CSF1R: variants seen among roughly 807,000 people sequenced by gnomAD.
CSF1R encodes the protein macrophage colony-stimulating factor 1 receptor.
Under a neutral mutation model 110.0 loss-of-function variants are expected in CSF1R, and 40 were observed. The observed-to-expected ratio is 0.36, with a 90% CI of 0.28 to 0.47. The LOEUF is 0.47. CSF1R is among the 20% of genes least tolerant of loss of function. The probability of loss-of-function intolerance (pLI) is 0.99; values close to 1 mark genes in which losing one functional copy is unlikely to be tolerated. For missense variants in CSF1R, 1,052 were observed against 1,253.0 expected (o/e 0.84, Z 2.42); for synonymous variants, 523 against 503.4 (o/e 1.04, Z -0.52).
intron 4 of CSF1R, 133 bp downstream of exon 4, chr5:150,077,979 C>CGTAT: frequency 8.6e-7 from 1 of 1,161,688 alleles, no homozygotes; most frequent in South Asian, 1.4e-5. Context: ...GAGTCTGCAC[C>CGTAT]CCTCTCTGGA....
At chr5:150,055,477 G>A (rs1477544779) in intron 18 of CSF1R, 141 bp from the exon 19 acceptor site, 7 of 707,972 alleles carry the variant, frequency 9.9e-6, no homozygotes, top group South Asian at 8.6e-5. Flanking sequence ...GGTGCTTCCT[G>A]TGTGCCAGCC....
Position 150,070,317 on chromosome 5 carries a change from A to G in CSF1R, c.1199-15T>C, listed in dbSNP as rs550084390. ...CTCTGGGGGGTCTGAGGAAGAAAGG[A>G]GGAGGCCCCAAGTCACACTTTCCCC... On this transcript the variant is annotated splice_polypyrimidine_tract_variant and intron_variant, in intron 7 of 20. Coordinates refer to ENST00000675795, the MANE Select transcript of CSF1R (RefSeq NM_001288705.3). 7 of 1,612,486 alleles carry G rather than the reference A, an allele frequency of 4.3e-6. No homozygotes were observed. In the South Asian group the frequency reaches 7.7e-5, roughly 18 times the overall value.
intron 9 of CSF1R, among the ~76,000 whole-genome samples, 156 bp downstream of exon 9, chr5:150,069,717 C>T (rs1276216770): frequency 3.9e-5 from 6 of 151,940 alleles, no homozygotes; most frequent in African/African-American, 7.3e-5. Flanking sequence ...GGGGCTTGGA[C>T]TGGCCCAGAG....
chr5:150,109,586 CAA>C (rs1759659365), intron 1 of CSF1R, among the ~76,000 whole-genome samples: 1 of 152,178 alleles, frequency 6.6e-6, no homozygotes, highest in Non-Finnish European at 1.5e-5. Flanking sequence ...CTCAATAAAC[CAA>C]AGAGGGTCCA....
intron 1 of CSF1R, chr5:150,098,321 T>C (rs956321005): frequency 6.6e-6 from 1 of 152,012 alleles, no homozygotes; most frequent in Non-Finnish European, 1.5e-5. Flanking sequence ...ATAGAGAAAA[T>C]CTTTGTGACC....
rs1472588012 is a variant in CSF1R, at chr5:150,057,608, G to A, written c.2133-16C>T. ...GCCACTGTCCCTACATAGGAGAGAG[G>A]GTTGGGGGGCAGAGGTCACTCATCA... On this transcript the variant is annotated splice_polypyrimidine_tract_variant and intron_variant, in intron 14 of 20. Coordinates refer to ENST00000675795, the MANE Select transcript of CSF1R (RefSeq NM_001288705.3). 1 of 1,606,258 alleles carries A rather than the reference G, an allele frequency of 6.2e-7. No homozygotes were observed. The highest frequency in any genetic ancestry group is 1.7e-5 in the Admixed American group (1 of 60,008).
intron 1 of CSF1R, among the ~76,000 whole-genome samples, chr5:150,102,514 C>G (rs568622784): frequency 1.3e-5 from 2 of 152,308 alleles, no homozygotes; most frequent in African/African-American, 4.8e-5. Flanking sequence ...GAGTCTCGCT[C>G]TATCACGCAG....
At chr5:150,079,877 C>T (rs1758445227) in intron 3 of CSF1R, among the ~76,000 whole-genome samples, 175 bp downstream of exon 3, 1 of 152,242 alleles carries the variant, frequency 6.6e-6, no homozygotes, top group African/African-American at 2.4e-5. Context: ...CCTGCCCCGA[C>T]ACCTTGTCAG....
chr5:150,081,159 C>T, intron 1 of CSF1R, 135 bp from the exon 2 acceptor site: 14 of 959,962 alleles, frequency 1.5e-5, no homozygotes, highest in Non-Finnish European at 2.2e-5. Context: ...CGAGCCCCTG[C>T]CCCCTGGTCA....
At chr5:150,069,438 C>T (rs1419361715) in intron 9 of CSF1R, among the ~76,000 whole-genome samples, 1 of 152,140 alleles carries the variant, frequency 6.6e-6, no homozygotes, top group African/African-American at 2.4e-5. Flanking sequence ...TTGGAGAAGG[C>T]CGTCCTTAGC....
chr5:150,056,697 A>T (rs1446154970), intron 16 of CSF1R, among the ~76,000 whole-genome samples: 1 of 151,988 alleles, frequency 6.6e-6, no homozygotes, highest in Non-Finnish European at 1.5e-5. Flanking sequence ...GCTATCTGCC[A>T]GGCCCTTCCC....
At chr5:150,086,664 C>T, upstream of CSF1R, 1 of 494,336 alleles carries the variant, frequency 2.0e-6, no homozygotes, top group South Asian at 3.2e-5. Flanking sequence ...GAAAACAAAG[C>T]CTTGAACCCA....
chr5:150,069,999 G>T lies in CSF1R; in HGVS notation c.1384C>A (p.Pro462Thr). The T allele has an allele frequency of 6.2e-7, 1 of 1,614,112 alleles. No homozygotes were observed. Among genetic ancestry groups the T allele is most frequent in the Non-Finnish European group, 8.5e-7 (1 of 1,179,970 alleles). ...DPYPEVLSQE[P>T]FHKVTVQSLL... is the part of the protein sequence containing the mutation. The stretch of plus-strand genomic sequence containing the variant: ...CTCTGCACCGTCACCTTGTGGAAGG[G>T]CTCCTGGCTCAGGACCTCAGGGTAT... Residue 462 changes from proline to threonine, a missense_variant, in exon 9 of 21, where the codon CCC becomes ACC. Physicochemically the swap from Pro to Thr is conservative, Grantham distance 38 (BLOSUM62 -1). Around this residue, in one of 5 missense-constraint regions of CSF1R, gnomAD observed 693 missense variants for 735.4 expected, o/e 0.94. Coordinates refer to ENST00000675795, the MANE Select transcript of CSF1R (RefSeq NM_001288705.3).
upstream of CSF1R, among the ~76,000 whole-genome samples, chr5:150,090,269 C>T (rs1277920148): frequency 1.3e-5 from 2 of 151,986 alleles, no homozygotes; most frequent in African/African-American, 4.8e-5. Flanking sequence ...ATAAATATAT[C>T]CAGAATATAT....
Position 150,080,341 on chromosome 5 carries a change from A to G in CSF1R, c.308-5T>C, listed in dbSNP as rs779980015. 6.2e-7 allele frequency: 1 copy of G among 1,611,096 alleles called. No individual in the cohort carries two copies. On this transcript the variant is annotated splice_polypyrimidine_tract_variant and splice_region_variant and intron_variant, in intron 2 of 20. Coordinates refer to ENST00000675795, the MANE Select transcript of CSF1R (RefSeq NM_001288705.3). ...CGTTCCAGGGCCGGGCAGGGTCTAG[A>G]GTAGAGGAGGGCACAGGGTTACAAC...
rs1221078138 is a variant in CSF1R at position 150,086,461 on chromosome 5, G to A, written c.-34C>T. 1 of 1,594,688 alleles carries A rather than the reference G, an allele frequency of 6.3e-7. No homozygotes were observed. The highest frequency in any genetic ancestry group is 8.5e-7 in the Non-Finnish European group (1 of 1,170,270). On this transcript the variant is annotated 5_prime_UTR_variant, in exon 1 of 21. Transcript: ENST00000675795. ...TGGGGAAGTGGCAGGCAGGTGCAGG[G>A]CTGCAAGGTGCCCAGGGCACAGAGC... is the stretch of plus-strand genomic sequence containing the variant.
chr5:150,063,938 G>C (rs1022698493), intron 10 of CSF1R, among the ~76,000 whole-genome samples: 10 of 152,216 alleles, frequency 6.6e-5, no homozygotes, highest in Non-Finnish European at 1.5e-4. Context: ...CGGTGCTAGG[G>C]AGGAGGCTGG....
chr5:150,068,120 C>CT, intron 10 of CSF1R, 95 bp downstream of exon 10: 1 of 922,404 alleles, frequency 1.1e-6, no homozygotes, highest in Admixed American at 1.9e-5. Flanking sequence ...GATGGACTGA[C>CT]TGAGGAGGAG....
chr5:150,088,880 G>A, upstream of CSF1R, among the ~76,000 whole-genome samples: 1 of 152,188 alleles, frequency 6.6e-6, no homozygotes, highest in East Asian at 1.9e-4. Flanking sequence ...TATATACCAT[G>A]ATGAAGTGGG....
Sources: allele counts gnomAD v4.1 joint callset (sites outside exome capture counted in the v4.1 genomes callset), GRCh38; gene constraint gnomAD v4.1.1; regional missense constraint gnomAD v4.1.1; transcripts MANE v1.5; gene names NCBI Gene and HGNC (gene_info 2026-07-23, HGNC 2026-07-21).